The following ADAMTSL1 variants were observed in gnomAD, a reference collection of about 807,000 sequenced individuals.
The protein encoded by ADAMTSL1 is ADAMTS like 1, also known as ADAMTS-like protein 1.
ADAMTSL1 carries 126 observed loss-of-function variants against 201.8 expected under a neutral mutation model. The observed-to-expected ratio is 0.62, with a 90% confidence interval of 0.54 to 0.72. ADAMTSL1 has a LOEUF of 0.72. ADAMTSL1 is among the 30% of genes least tolerant of loss of function. The pLI is 0.00. For synonymous variants in ADAMTSL1, 1,121 were observed against 903.4 expected (o/e 1.24, Z -4.32); for missense variants, 2,679 against 2,277.8 (o/e 1.18, Z -3.59).
chr9:18,044,106 A>G (rs10810892), intron 1 of ADAMTSL1, among the ~76,000 whole-genome samples: 5 of 150,078 alleles, frequency 3.3e-5, no homozygotes, highest in African/African-American at 1.2e-4. Flanking sequence ...GGCTATTGCA[A>G]TAGGTATAAA....
chr9:18,274,138 G>A (rs973478075), intron 2 of ADAMTSL1, among the ~76,000 whole-genome samples: 1 of 152,254 alleles, frequency 6.6e-6, no homozygotes, highest in Non-Finnish European at 1.5e-5. Flanking sequence ...AGCAAGAAGT[G>A]TGAGTTCTCA....
intron 1 of ADAMTSL1, among the ~76,000 whole-genome samples, chr9:18,098,964 G>T (rs959433370): frequency 2.0e-5 from 3 of 152,094 alleles, no homozygotes; most frequent in African/African-American, 7.2e-5. Flanking sequence ...GTTTTGTGCT[G>T]TCTGTTGATT....
intron 2 of ADAMTSL1, among the ~76,000 whole-genome samples, chr9:18,245,609 T>C (rs908286046): frequency 2.0e-5 from 3 of 152,012 alleles, no homozygotes; most frequent in African/African-American, 7.2e-5. Context: ...GAAGTCAGGA[T>C]TGGAGAAGAG....
intron 1 of ADAMTSL1, among the ~76,000 whole-genome samples, chr9:17,942,500 G>A (rs546406239): frequency 2.5e-4 from 38 of 152,220 alleles, no homozygotes; most frequent in Non-Finnish European, 4.1e-4. Context: ...TTGAGAGTCC[G>A]TTGTGTCTCT....
At chr9:18,579,239 G>GC (rs1399941812) in intron 4 of ADAMTSL1, among the ~76,000 whole-genome samples, 4 of 148,886 alleles carry the variant, frequency 2.7e-5, no homozygotes, top group Admixed American at 6.8e-5. Flanking sequence ...GTAAACTATC[G>GC]CAAGAACAAA....
intron 17 of ADAMTSL1, among the ~76,000 whole-genome samples, chr9:18,775,208 C>T (rs916379002): frequency 2.0e-5 from 3 of 152,190 alleles, no homozygotes; most frequent in Admixed American, 6.5e-5. Context: ...AGGAACTATT[C>T]TTGCACATCT....
chr9:18,876,334 G>GTGTGTGTGTGTT (rs1828153790), intron 23 of ADAMTSL1, among the ~76,000 whole-genome samples: 1 of 149,946 alleles, frequency 6.7e-6, no homozygotes, highest in Non-Finnish European at 1.5e-5. Context: ...GTGTGTGCGT[G>GTGTGTGTGTGTT]ATTGTTTTAT....
At chr9:18,813,229 G>A (rs1048928727) in intron 20 of ADAMTSL1, among the ~76,000 whole-genome samples, 1 of 152,144 alleles carries the variant, frequency 6.6e-6, no homozygotes, top group Non-Finnish European at 1.5e-5. Flanking sequence ...CTCCCAAAGT[G>A]CTGGGATTAC....
chr9:18,536,457 T>A (rs2132125830), intron 3 of ADAMTSL1, among the ~76,000 whole-genome samples: 1 of 151,784 alleles, frequency 6.6e-6, no homozygotes, highest in East Asian at 1.9e-4. Context: ...TTTTTTTTTT[T>A]TCCTGAAAAG....
chr9:18,165,038 A>C (rs1051702468), intron 2 of ADAMTSL1, among the ~76,000 whole-genome samples: 1 of 151,840 alleles, frequency 6.6e-6, no homozygotes, highest in African/African-American at 2.4e-5. Flanking sequence ...TATGGTTCAT[A>C]TATTGGTTTT....
At chr9:18,170,616 G>C (rs1217904181) in intron 2 of ADAMTSL1, among the ~76,000 whole-genome samples, 1 of 152,048 alleles carries the variant, frequency 6.6e-6, no homozygotes, top group South Asian at 2.1e-4. Context: ...ATCTCAGAAA[G>C]GCAAAACAGA....
intron 3 of ADAMTSL1, among the ~76,000 whole-genome samples, chr9:18,546,975 G>T (rs769722065): frequency 1.4e-4 from 21 of 152,202 alleles, no homozygotes; most frequent in Middle Eastern, 3.4e-3. Context: ...ATTTTACGTG[G>T]CTATTTCTAG....
intron 2 of ADAMTSL1, among the ~76,000 whole-genome samples, chr9:18,363,446 A>G (rs1836619654): frequency 6.6e-6 from 1 of 152,236 alleles, no homozygotes. Context: ...TAGAAGTCAG[A>G]TTAATGTTCA....
chr9:18,054,575 T>A (rs758590855), intron 1 of ADAMTSL1, among the ~76,000 whole-genome samples: 30 of 152,212 alleles, frequency 2.0e-4, no homozygotes, highest in Non-Finnish European at 3.2e-4. Flanking sequence ...GTCGACATGT[T>A]TTCTCATTGA....
chr9:18,037,517 C>T (rs1333011425), intron 1 of ADAMTSL1, among the ~76,000 whole-genome samples: 6 of 152,038 alleles, frequency 3.9e-5, no homozygotes, highest in Non-Finnish European at 7.4e-5. Context: ...ACACTTCTTT[C>T]TGTAGTATAT....
intron 14 of ADAMTSL1, among the ~76,000 whole-genome samples, chr9:18,709,887 C>T (rs911832988): frequency 6.6e-6 from 1 of 152,130 alleles, no homozygotes; most frequent in Non-Finnish European, 1.5e-5. Flanking sequence ...CCTGTTGTTC[C>T]CCTTTTCTTA....
chr9:18,056,382 A>T (rs1412538912), intron 1 of ADAMTSL1, among the ~76,000 whole-genome samples: 1 of 152,132 alleles, frequency 6.6e-6, no homozygotes, highest in Non-Finnish European at 1.5e-5. Flanking sequence ...CGTGTTTCAA[A>T]TCCTGAGCCT....
At chr9:18,846,968 T>C (rs891148339) in intron 23 of ADAMTSL1, among the ~76,000 whole-genome samples, 4 of 152,164 alleles carry the variant, frequency 2.6e-5, no homozygotes. Context: ...GATGTTAGAA[T>C]AAATTGAGAG....
At chr9:18,444,122 G>A (rs1466135315) in intron 2 of ADAMTSL1, among the ~76,000 whole-genome samples, 2 of 152,124 alleles carry the variant, frequency 1.3e-5, no homozygotes, top group African/African-American at 2.4e-5. Flanking sequence ...TGCTTGCAGG[G>A]TTTACCATGA....
Sources: gnomAD v4.1 joint callset for allele counts (sites outside exome capture counted in the v4.1 genomes callset) on GRCh38, gnomAD v4.1.1 for gene constraint, MANE v1.5 for transcripts, NCBI Gene and HGNC (gene_info 2026-07-23, HGNC 2026-07-21) for gene names.